The following NCOR2 variants were observed in gnomAD, a reference collection of about 807,000 sequenced individuals.
NCOR2 encodes the protein CTG repeat protein 26.
Under a neutral mutation model 262.9 loss-of-function variants are expected in NCOR2, and 81 were observed. The ratio of observed to expected loss-of-function variants is 0.31; its 90% CI spans 0.26 to 0.37. NCOR2 has a LOEUF of 0.37. NCOR2 is among the 10% of genes least tolerant of loss of function. The pLI, the probability that NCOR2 is intolerant of heterozygous loss-of-function variation, is 1.00. For synonymous variants in NCOR2, 1,659 were observed against 1,559.3 expected, an observed-to-expected ratio of 1.06 and a Z score of -1.51; for missense variants, 3,385 against 3,621.4, an observed-to-expected ratio of 0.93 and a Z score of 1.68.
intron 1 of NCOR2, among the ~76,000 whole-genome samples, chr12:124,546,269 T>C (rs1339968264): frequency 1.3e-5 from 2 of 152,066 alleles, no homozygotes; most frequent in Non-Finnish European, 2.9e-5. Flanking sequence ...ACAGTAAGAG[T>C]GAATGCCCAG....
chr12:124,340,900 C>G, intron 34 of NCOR2, 149 bp from the exon 37 acceptor site: 1 of 741,108 alleles, frequency 1.3e-6, no homozygotes, highest in Non-Finnish European at 1.9e-6. Context: ...CTCCCAGCAC[C>G]AGCCATGGAA....
upstream of NCOR2, among the ~76,000 whole-genome samples, chr12:124,498,842 A>G (rs937075966): frequency 5.3e-5 from 8 of 152,226 alleles, no homozygotes; most frequent in African/African-American, 1.4e-4. Flanking sequence ...CCTACACCAC[A>G]CATAACCAGA....
intron 1 of NCOR2, among the ~76,000 whole-genome samples, chr12:124,507,764 C>A (rs2049129490): frequency 6.6e-6 from 1 of 152,242 alleles, no homozygotes; most frequent in Non-Finnish European, 1.5e-5. Flanking sequence ...TTCTCTCTGC[C>A]CACCAGTCTG....
chr12:124,413,319 C>T (rs1382348969), intron 13 of NCOR2, among the ~76,000 whole-genome samples: 1 of 152,240 alleles, frequency 6.6e-6, no homozygotes, highest in East Asian at 1.9e-4. Flanking sequence ...TGAGATGGGC[C>T]AGGCGCGGCT....
chr12:124,523,278 G>A lies in NCOR2; in HGVS notation c.-118+12287C>T, dbSNP rs540691648. On this transcript the variant is annotated intron_variant, in intron 1 of 46. Transcript: ENST00000404621. The surrounding 1 kb of genome is among the most constrained non-coding windows in gnomAD (Gnocchi z 4.0). ...TTCCAACTGCAGCACCATCCGGCACGCCAGAATACCATGGGCACCCAGCAA... is the reference window on the plus strand; with the variant it reads ...TTCCAACTGCAGCACCATCCGGCACACCAGAATACCATGGGCACCCAGCAA... Among the ~76,000 whole-genome samples the A allele has an allele frequency of 2.6e-5, 4 of 152,266 alleles. No individual in the cohort carries two copies. Among genetic ancestry groups the A allele is most frequent in the Admixed American group, 6.5e-5 (1 of 15,304 alleles).
chr12:124,515,702 C>T (rs572599488), intron 1 of NCOR2, among the ~76,000 whole-genome samples: 1 of 151,574 alleles, frequency 6.6e-6, no homozygotes, highest in African/African-American at 2.4e-5. Flanking sequence ...TGTGCATGTT[C>T]GTGTGACTGT....
chr12:124,511,608 G>C (rs760394766), intron 1 of NCOR2, among the ~76,000 whole-genome samples: 1 of 152,190 alleles, frequency 6.6e-6, no homozygotes, highest in Non-Finnish European at 1.5e-5. Flanking sequence ...AGGGGACAGC[G>C]AACAGCAGGC....
chr12:124,531,876 C>A lies in NCOR2; in HGVS notation c.-118+3689G>T, dbSNP rs12228332. On this transcript the variant is annotated intron_variant, in intron 1 of 46. Coordinates refer to the NCOR2 transcript ENST00000404621. This position sits in a 1 kb window ranked among gnomAD's most constrained non-coding sequence, Gnocchi z 4.5. The stretch of plus-strand genomic sequence containing the variant: ...CCCAATGTATAGACAATCCCAGACA[C>A]CCACCTCCCCACCCCACTCCCAGCT... Among the ~76,000 whole-genome samples, 34,659 of 149,382 alleles carry A rather than the reference C, an allele frequency of 0.23. 4,779 individuals carry two copies. Among genetic ancestry groups the A allele is most frequent in the East Asian group, 0.37 (1,831 of 4,928 alleles).
At chr12:124,475,251 C>G (rs1001176) in intron 3 of NCOR2, among the ~76,000 whole-genome samples, 1 of 152,126 alleles carries the variant, frequency 6.6e-6, no homozygotes, top group Non-Finnish European at 1.5e-5. Context: ...GTCCTCCATG[C>G]TCCTCAGGCC....
Position 124,449,803 on chromosome 12 carries a change from G to C in NCOR2, c.815+12C>G. ...CCTCTGTGTGTCTGCACGGCTGCCC[G>C]CGAGCACTCACATTTTGATGTTCTC... is the stretch of plus-strand genomic sequence containing the variant. On this transcript the variant is annotated intron_variant, in intron 7 of 46. Coordinates refer to ENST00000405201, the Ensembl canonical transcript of NCOR2. 1 of 1,613,890 alleles carries C rather than the reference G, an allele frequency of 6.2e-7. No individual in the cohort carries two copies. The highest frequency in any genetic ancestry group is 8.5e-7 in the Non-Finnish European group (1 of 1,179,904).
At chr12:124,466,611 C>T (rs2046431101) in intron 4 of NCOR2, among the ~76,000 whole-genome samples, 1 of 152,136 alleles carries the variant, frequency 6.6e-6, no homozygotes, top group African/African-American at 2.4e-5. Context: ...TGCCGTGCCG[C>T]CATTCTGACT....
intron 1 of NCOR2, among the ~76,000 whole-genome samples, chr12:124,559,164 C>G (rs1238424516): frequency 6.6e-6 from 1 of 152,216 alleles, no homozygotes; most frequent in Non-Finnish European, 1.5e-5. Context: ...TTTGACTTAC[C>G]TTTCCCCCCA....
chr12:124,362,159 T>A, exon 22 of NCOR2: 1 of 1,306,376 alleles, frequency 7.7e-7, no homozygotes, highest in Non-Finnish European at 9.7e-7. Context: ...GGGCTCCTGC[T>A]CTTGCCCCGG....
intron 30 of NCOR2, 83 bp from the exon 33 acceptor site, chr12:124,346,933 A>C (rs2036980180): frequency 9.5e-6 from 13 of 1,372,726 alleles, no homozygotes; most frequent in Non-Finnish European, 1.0e-5. Flanking sequence ...TTCTGGAGCT[A>C]GTCTGCCTGA....
chr12:124,423,975 G>A (rs1288905876), intron 11 of NCOR2, among the ~76,000 whole-genome samples: 2 of 152,158 alleles, frequency 1.3e-5, no homozygotes. Flanking sequence ...CAATTCCTCT[G>A]CACATGAGAC....
intron 44 of NCOR2, among the ~76,000 whole-genome samples, chr12:124,329,624 C>T (rs1317774523): frequency 6.6e-6 from 1 of 151,582 alleles, no homozygotes; most frequent in Non-Finnish European, 1.5e-5. Context: ...TGCCTGTAGT[C>T]CCAGCTGCTC....
chr12:124,336,530 A>T, intron 38 of NCOR2: 2 of 1,291,018 alleles, frequency 1.5e-6, no homozygotes, highest in Non-Finnish European at 2.0e-6. Context: ...GGGCTTCAAA[A>T]CAAAATACCA....
intron 8 of NCOR2, among the ~76,000 whole-genome samples, chr12:124,436,703 C>T (rs767837905): frequency 2.0e-5 from 3 of 152,202 alleles, no homozygotes; most frequent in Non-Finnish European, 4.4e-5. Context: ...TGATACCATC[C>T]GAGAAAGCAC....
exon 35 of NCOR2, chr12:124,340,735 G>C: frequency 1.3e-6 from 2 of 1,545,166 alleles, no homozygotes; most frequent in Non-Finnish European, 1.7e-6. Flanking sequence ...GTGGCACTTG[G>C]GACAGGTCGA....
Sources: gnomAD v4.1 joint callset for allele counts (sites outside exome capture counted in the v4.1 genomes callset) on GRCh38, gnomAD v4.1.1 for gene constraint, Gnocchi (gnomAD v3.1) non-coding constraint, MANE v1.5 for transcripts, NCBI Gene and HGNC (gene_info 2026-07-23, HGNC 2026-07-21) for gene names.